Variants in PABPC4L observed in about 807,000 individuals in gnomAD.
PABPC4L encodes poly(A) binding protein cytoplasmic 4 like.
For synonymous variants in PABPC4L, 169 were observed against 164.1 expected (o/e 1.03, Z -0.23); for missense variants, 452 against 451.4 (o/e 1.00, Z -0.01).
the PABPC4L span, among the ~76,000 whole-genome samples, chr4:134,086,747 G>C: frequency 6.7e-6 from 1 of 149,548 alleles, no homozygotes; most frequent in African/African-American, 2.5e-5. Flanking sequence ...CTGGATGATA[G>C]GGTATTCTAT....
At chr4:134,023,977 CT>C in the PABPC4L span, among the ~76,000 whole-genome samples, 1 of 152,062 alleles carries the variant, frequency 6.6e-6, no homozygotes, top group South Asian at 2.1e-4. Flanking sequence ...GATTTCAACA[CT>C]ATTAATTATG....
chr4:133,990,722 T>G, the PABPC4L span, among the ~76,000 whole-genome samples: 5 of 152,160 alleles, frequency 3.3e-5, no homozygotes, highest in Non-Finnish European at 5.9e-5. Flanking sequence ...TTGTGGGTAA[T>G]TAACATTGCC....
chr4:134,010,447 T>C, the PABPC4L span, among the ~76,000 whole-genome samples: 1 of 152,150 alleles, frequency 6.6e-6, no homozygotes, highest in Non-Finnish European at 1.5e-5. Context: ...GGCTTTATAT[T>C]TTATTAGTCA....
chr4:134,024,440 C>G, the PABPC4L span, among the ~76,000 whole-genome samples: 1 of 152,100 alleles, frequency 6.6e-6, no homozygotes, highest in Non-Finnish European at 1.5e-5. Context: ...GGCTACTCTT[C>G]CTGACCTGCA....
At chr4:134,021,585 G>A in the PABPC4L span, among the ~76,000 whole-genome samples, 1 of 152,214 alleles carries the variant, frequency 6.6e-6, no homozygotes, top group East Asian at 1.9e-4. Context: ...TGATGTAAAA[G>A]GTGTTCTCAA....
the PABPC4L span, among the ~76,000 whole-genome samples, chr4:133,991,457 C>T: frequency 2.6e-5 from 4 of 152,106 alleles, no homozygotes; most frequent in South Asian, 2.1e-4. Flanking sequence ...TGCATCTTGC[C>T]GCTCCCCTAC....
At chr4:134,025,305 CAAA>C in the PABPC4L span, among the ~76,000 whole-genome samples, 415 of 45,600 alleles carry the variant, frequency 9.1e-3, 1 homozygote, top group African/African-American at 0.028. Flanking sequence ...GAATTCATCT[CAAA>C]AAAAAAAAAA....
chr4:134,042,824 A>G, the PABPC4L span, among the ~76,000 whole-genome samples: 1 of 152,192 alleles, frequency 6.6e-6, no homozygotes, highest in Non-Finnish European at 1.5e-5. Flanking sequence ...AGTGAGAAGG[A>G]GAGACAAAGT....
chr4:134,098,414 T>C, the PABPC4L span, among the ~76,000 whole-genome samples: 28 of 151,864 alleles, frequency 1.8e-4, no homozygotes, highest in Non-Finnish European at 3.8e-4. Flanking sequence ...TGTTTGTTTG[T>C]TTTTTTATTT....
At chr4:133,994,602 C>T in the PABPC4L span, among the ~76,000 whole-genome samples, 2 of 152,052 alleles carry the variant, frequency 1.3e-5, no homozygotes, top group Admixed American at 6.6e-5. Flanking sequence ...ATTGAAATAT[C>T]CACCTCTGTG....
At chr4:134,018,240 G>T in the PABPC4L span, among the ~76,000 whole-genome samples, 1 of 151,614 alleles carries the variant, frequency 6.6e-6, no homozygotes, top group East Asian at 1.9e-4. Context: ...TCCTTTACCT[G>T]CCCAAATCTT....
chr4:134,200,584 T>C lies in PABPC4L; in HGVS notation c.436A>G (p.Asn146Asp), dbSNP rs1372965031. Residue 146 changes from asparagine to aspartate, a missense_variant, in exon 2 of 2, where the codon AAC (asparagine) becomes GAC (aspartate). Transcript: ENST00000421491. ...SKGYAFVHFQ[N>D]QSAADRAIEE... Reference sequence around the variant, plus strand: ...ATGGCCCTGTCTGCAGCACTCTGGTTCTGAAAGTGCACAAATGCATAGCCC... The same window carrying C: ...ATGGCCCTGTCTGCAGCACTCTGGTCCTGAAAGTGCACAAATGCATAGCCC... 1 of 1,551,652 alleles carries C rather than the reference T, an allele frequency of 6.4e-7. No homozygotes were observed. Among genetic ancestry groups the C allele is most frequent in the Non-Finnish European group, 8.7e-7 (1 of 1,146,974 alleles).
At chr4:134,050,736 C>T in the PABPC4L span, among the ~76,000 whole-genome samples, 1 of 105,218 alleles carries the variant, frequency 9.5e-6, no homozygotes, top group Non-Finnish European at 2.1e-5. Flanking sequence ...AAGTGAAAGA[C>T]AACACGTAAG....
the PABPC4L span, among the ~76,000 whole-genome samples, chr4:134,029,744 A>G: frequency 2.6e-5 from 4 of 151,980 alleles, no homozygotes; most frequent in East Asian, 1.9e-4. Flanking sequence ...TATATATAAC[A>G]TATATATGAA....
upstream of PABPC4L, chr4:134,201,809 A>G (rs1729900380): frequency 6.6e-6 from 1 of 152,036 alleles, no homozygotes; most frequent in Admixed American, 6.6e-5. Flanking sequence ...TCTTTTTAAT[A>G]TTTTTTTTAA....
the PABPC4L span, among the ~76,000 whole-genome samples, chr4:133,954,719 A>T: frequency 4.6e-5 from 7 of 152,190 alleles, no homozygotes; most frequent in Admixed American, 3.3e-4. Flanking sequence ...AAAAATATGC[A>T]AAATTGAACA....
the PABPC4L span, among the ~76,000 whole-genome samples, chr4:134,023,503 G>A: frequency 6.6e-6 from 1 of 151,926 alleles, no homozygotes; most frequent in South Asian, 2.1e-4. Flanking sequence ...GGATTAAGTG[G>A]TTGTGAAAAT....
In PABPC4L at chr4:134,199,855, A is replaced by G; in HGVS notation, c.*52T>C. The G allele has an allele frequency of 6.5e-7, 1 of 1,536,280 alleles. No individual in the cohort carries two copies. Among genetic ancestry groups the G allele is most frequent in the Non-Finnish European group, 8.8e-7 (1 of 1,141,840 alleles). On this transcript the variant is annotated 3_prime_UTR_variant, in exon 2 of 2. Coordinates refer to ENST00000421491, the MANE Select transcript of PABPC4L (RefSeq NM_001114734.2). ...GAGGTCAATTCAGGCAGAGATCACT[A>G]TCATTCTCCCACCTGCTGCAGATAC...
At chr4:133,980,178 A>G in the PABPC4L span, among the ~76,000 whole-genome samples, 2 of 152,316 alleles carry the variant, frequency 1.3e-5, no homozygotes, top group South Asian at 2.1e-4. Context: ...TAGTCAGTAG[A>G]CAAACAGTAT....
Sources: gnomAD v4.1 joint callset for allele counts (sites outside exome capture counted in the v4.1 genomes callset) on GRCh38, gnomAD v4.1.1 for gene constraint, MANE v1.5 for transcripts, NCBI Gene and HGNC (gene_info 2026-07-23, HGNC 2026-07-21) for gene names.